Variants in CNGA1 observed in about 807,000 individuals in gnomAD.
CNGA1 encodes cyclic nucleotide-gated channel alpha-1.
A neutral mutation model predicts 69.7 loss-of-function variants in CNGA1; 53 were observed. The ratio of observed to expected loss-of-function variants is 0.76; its 90% CI spans 0.61 to 0.96. CNGA1 has a LOEUF of 0.96. Ranked by LOEUF, CNGA1 falls within the 40% of genes least tolerant of loss-of-function variation. CNGA1 has a pLI of 0.00. For synonymous variants in CNGA1, 249 were observed against 283.5 expected, an observed-to-expected ratio of 0.88 and a Z score of 1.22; for missense variants, 739 against 811.2, an observed-to-expected ratio of 0.91 and a Z score of 1.08.
intron 6 of CNGA1, 129 bp from the exon 7 acceptor site, chr4:47,943,541 C>G (rs1282080009): frequency 1.7e-6 from 1 of 576,628 alleles, no homozygotes; most frequent in East Asian, 3.1e-5. Context: ...CCCATCTGGT[C>G]TCTTACTGGA....
At chr4:47,938,993 G>A (rs1461479504) in intron 10 of CNGA1, among the ~76,000 whole-genome samples, 2 of 140,348 alleles carry the variant, frequency 1.4e-5, no homozygotes, top group Admixed American at 7.0e-5. Context: ...AAGAAAGAAA[G>A]AGAAAGAAAG....
At chr4:47,964,279 A>G (rs1444072797) in intron 3 of CNGA1, among the ~76,000 whole-genome samples, 1 of 152,174 alleles carries the variant, frequency 6.6e-6, no homozygotes, top group Non-Finnish European at 1.5e-5. Flanking sequence ...CACAGAAAAA[A>G]TTATATGAGT....
intron 3 of CNGA1, among the ~76,000 whole-genome samples, chr4:47,973,066 C>CTTTTTTTT (rs3058684): frequency 8.3e-6 from 1 of 120,282 alleles, no homozygotes; most frequent in Admixed American, 9.7e-5. Context: ...AAAGCACCAT[C>CTTTTTTTT]TTTTTTTTTT....
At chr4:47,955,780 A>G (rs1453503100) in intron 3 of CNGA1, among the ~76,000 whole-genome samples, 2 of 152,360 alleles carry the variant, frequency 1.3e-5, no homozygotes, top group South Asian at 2.1e-4. Context: ...CTAAATTGTG[A>G]CACACACCAT....
chr4:47,992,545 T>G (rs1742313637), intron 2 of CNGA1, among the ~76,000 whole-genome samples: 1 of 152,166 alleles, frequency 6.6e-6, no homozygotes, highest in Admixed American at 6.5e-5. Flanking sequence ...TGAATTCTTT[T>G]ATCAGTTCTA....
chr4:47,938,749 C>T (rs1338087490), intron 10 of CNGA1, among the ~76,000 whole-genome samples: 1 of 151,906 alleles, frequency 6.6e-6, no homozygotes, highest in Non-Finnish European at 1.5e-5. Flanking sequence ...AAACAGAGCT[C>T]TTTATCCCTT....
At chr4:47,999,080 C>T (rs926578966) in intron 2 of CNGA1, among the ~76,000 whole-genome samples, 3 of 152,038 alleles carry the variant, frequency 2.0e-5, no homozygotes, top group African/African-American at 4.8e-5. Context: ...CTCATATCAT[C>T]ACAAAAAAGG....
chr4:47,941,939 G>A (rs2110139112), intron 9 of CNGA1, 102 bp downstream of exon 9: 1 of 704,404 alleles, frequency 1.4e-6, no homozygotes, highest in East Asian at 2.7e-5. Context: ...AGAGAAAGGA[G>A]GTGTGTCCTA....
At chr4:47,940,649 A>G (rs1273586857) in intron 10 of CNGA1, 114 bp downstream of exon 10, 1 of 773,954 alleles carries the variant, frequency 1.3e-6, no homozygotes, top group African/African-American at 1.7e-5. Context: ...CTTTTTCTCT[A>G]GAACAGATTT....
chr4:47,959,881 C>G (rs1475399352), intron 3 of CNGA1, among the ~76,000 whole-genome samples: 2 of 152,134 alleles, frequency 1.3e-5, no homozygotes, highest in East Asian at 3.9e-4. Flanking sequence ...GCTGGGATTA[C>G]AGTTGTGAGC....
At chr4:48,014,972 A>G (rs886724076) in intron 1 of CNGA1, among the ~76,000 whole-genome samples, 1 of 152,032 alleles carries the variant, frequency 6.6e-6, no homozygotes, top group Non-Finnish European at 1.5e-5. Flanking sequence ...GGAGATTGAG[A>G]GCATGCTGGT....
intron 3 of CNGA1, among the ~76,000 whole-genome samples, chr4:47,969,016 T>C (rs990699802): frequency 6.6e-6 from 1 of 151,990 alleles, no homozygotes; most frequent in African/African-American, 2.4e-5. Context: ...TGAAGAGTCA[T>C]TGAAGATTTT....
At chr4:48,000,315 G>A (rs1382812754) in intron 2 of CNGA1, among the ~76,000 whole-genome samples, 1 of 149,872 alleles carries the variant, frequency 6.7e-6, no homozygotes, top group Non-Finnish European at 1.5e-5. Flanking sequence ...ACCCCAAGCA[G>A]AATAAAAACA....
intron 2 of CNGA1, among the ~76,000 whole-genome samples, chr4:47,993,120 G>A (rs927224865): frequency 2.6e-5 from 4 of 151,970 alleles, no homozygotes; most frequent in African/African-American, 9.7e-5. Flanking sequence ...TAGCATCTAC[G>A]TTCATCAGGG....
intron 3 of CNGA1, among the ~76,000 whole-genome samples, chr4:47,966,815 T>C (rs926028682): frequency 1.3e-5 from 2 of 152,098 alleles, no homozygotes; most frequent in Middle Eastern, 3.2e-3. Flanking sequence ...TGAAAAGTAA[T>C]CAATAAGATT....
intron 3 of CNGA1, among the ~76,000 whole-genome samples, chr4:47,979,073 C>T (rs775393854): frequency 2.0e-5 from 3 of 152,080 alleles, no homozygotes; most frequent in Non-Finnish European, 4.4e-5. Context: ...GTAATCCCAG[C>T]ACTTTGGGAG....
intron 6 of CNGA1, 48 bp downstream of exon 6, chr4:47,949,785 G>T: frequency 6.9e-7 from 1 of 1,455,482 alleles, no homozygotes; most frequent in Admixed American, 1.7e-5. Context: ...ATTTTTACTG[G>T]TTTTCTTTAA....
chr4:47,944,031 G>C (rs1739252939), intron 6 of CNGA1, among the ~76,000 whole-genome samples: 1 of 152,214 alleles, frequency 6.6e-6, no homozygotes, highest in Non-Finnish European at 1.5e-5. Context: ...AATAGATTCT[G>C]AAGTCAGACA....
At chr4:47,995,740 G>A (rs1742451140) in intron 2 of CNGA1, among the ~76,000 whole-genome samples, 1 of 152,028 alleles carries the variant, frequency 6.6e-6, no homozygotes, top group Admixed American at 6.6e-5. Context: ...TATTACCAGA[G>A]TTGGTTTTCT....
Sources: allele counts gnomAD v4.1 joint callset (sites outside exome capture counted in the v4.1 genomes callset), GRCh38; gene constraint gnomAD v4.1.1; transcripts MANE v1.5; gene names NCBI Gene and HGNC (gene_info 2026-07-23, HGNC 2026-07-21).